Variants in AUH observed in about 807,000 individuals in gnomAD.
AUH encodes the protein AU RNA binding methylglutaconyl-CoA hydratase.
Under a neutral mutation model 42.3 loss-of-function variants are expected in AUH, and 29 were observed. The observed-to-expected ratio is 0.69, with a 90% CI of 0.51 to 0.93. The LOEUF is 0.93. Ranked by LOEUF, AUH falls within the 40% of genes least tolerant of loss-of-function variation. The pLI is 0.00. For missense variants in AUH, 452 were observed against 438.1 expected (o/e 1.03, Z -0.28); for synonymous variants, 174 against 166.4 (o/e 1.05, Z -0.35).
chr9:91,297,811 A>G (rs1313474266), intron 5 of AUH, among the ~76,000 whole-genome samples, 173 bp downstream of exon 5: 1 of 152,124 alleles, frequency 6.6e-6, no homozygotes, highest in African/African-American at 2.4e-5. Context: ...GCAAGAAACA[A>G]CACAAGACTT....
intron 3 of AUH, among the ~76,000 whole-genome samples, chr9:91,337,128 T>A (rs934706695): frequency 6.6e-6 from 1 of 152,174 alleles, no homozygotes; most frequent in African/African-American, 2.4e-5. Flanking sequence ...CCCTCCCCAC[T>A]GCCCACAGAG....
chr9:91,283,491 G>C (rs1174126413), intron 6 of AUH, among the ~76,000 whole-genome samples: 2 of 152,144 alleles, frequency 1.3e-5, no homozygotes, highest in Non-Finnish European at 2.9e-5. Flanking sequence ...GAAATAAACG[G>C]TATTCAATTA....
chr9:91,258,713 G>A (rs1174024503), intron 6 of AUH, among the ~76,000 whole-genome samples: 1 of 152,218 alleles, frequency 6.6e-6, no homozygotes, highest in East Asian at 1.9e-4. Context: ...CCTTCTGTCA[G>A]TTTGAGGAAG....
chr9:91,359,422 A>G (rs1425261702), intron 1 of AUH, among the ~76,000 whole-genome samples: 1 of 152,036 alleles, frequency 6.6e-6, no homozygotes, highest in Non-Finnish European at 1.5e-5. Context: ...AATGGATCAT[A>G]TGTTCTGTTG....
intron 6 of AUH, among the ~76,000 whole-genome samples, chr9:91,262,784 C>A (rs1256110647): frequency 6.6e-6 from 1 of 152,170 alleles, no homozygotes; most frequent in South Asian, 2.1e-4. Flanking sequence ...CAAGGGCTGG[C>A]AAACTATGGT....
intron 1 of AUH, among the ~76,000 whole-genome samples, chr9:91,356,796 C>A (rs1172506118): frequency 6.6e-6 from 1 of 152,210 alleles, no homozygotes; most frequent in Non-Finnish European, 1.5e-5. Context: ...TAGAATGCAT[C>A]CCCTACTTAA....
At chr9:91,348,899 C>T (rs1350277772) in intron 3 of AUH, among the ~76,000 whole-genome samples, 1 of 151,982 alleles carries the variant, frequency 6.6e-6, no homozygotes, top group Admixed American at 6.6e-5. Context: ...TAATTCATAC[C>T]TAAATAAAAC....
Position 91,238,305 on chromosome 9 carries a change from A to C in AUH, c.656-17313T>G, listed in dbSNP as rs566663780. Among the ~76,000 whole-genome samples the C allele has an allele frequency of 2.0e-5, 3 of 152,316 alleles. No homozygotes were observed. The East Asian group carries it at 5.8e-4, about 29-fold the overall frequency. On this transcript the variant is annotated intron_variant, in intron 6 of 9. Coordinates refer to ENST00000375731, the MANE Select transcript of AUH (RefSeq NM_001698.3). ...CTGAAGCCTTGCAATCAGGTCTGCA[A>C]ACCAAATAGCAGGAAGGGAAAAGGG...
rs140810123 is a variant in AUH, at chr9:91,356,005, G to GA, written c.331-36dup. 67,310 of 1,114,614 alleles carry GA rather than the reference G, an allele frequency of 0.06. 730 individuals are homozygous for GA. The highest frequency in any genetic ancestry group is 0.28 in the East Asian group (9,324 of 33,708). The allele number at this position is 1,114,614 out of a possible 1,614,324, so 69.0% of individuals were successfully genotyped here. On this transcript the variant is annotated intron_variant, in intron 2 of 9. Transcript: ENST00000375731. ...AATAGGAAGCATAGGAGGAAAAAGA[G>GA]AAAAAAAAAACAAAACATTTTTACA...
chr9:91,334,439 G>A (rs536426535), intron 3 of AUH, among the ~76,000 whole-genome samples: 1 of 152,186 alleles, frequency 6.6e-6, no homozygotes, highest in Non-Finnish European at 1.5e-5. Flanking sequence ...CCGCCCCACT[G>A]CTAGAGTTGG....
At chr9:91,235,868 C>T (rs1448968092) in intron 6 of AUH, among the ~76,000 whole-genome samples, 3 of 152,152 alleles carry the variant, frequency 2.0e-5, no homozygotes, top group Admixed American at 1.3e-4. Flanking sequence ...CTATGGCAGC[C>T]ACCTTGTGAC....
chr9:91,308,510 A>G (rs548090984), intron 4 of AUH, among the ~76,000 whole-genome samples: 8 of 152,218 alleles, frequency 5.3e-5, no homozygotes, highest in African/African-American at 1.9e-4. Flanking sequence ...TCTGTAAGTC[A>G]CCATGCAGAA....
Position 91,276,721 on chromosome 9 carries a change from C to A in AUH, c.655+19300G>T, listed in dbSNP as rs532446490. On this transcript the variant is annotated intron_variant, in intron 6 of 9. Coordinates refer to ENST00000375731, the MANE Select transcript of AUH (RefSeq NM_001698.3). ...CAGAAAAACATAAACACTGAACTTA[C>A]AACATAGCACCATGGAAACAAAACC... Among the ~76,000 whole-genome samples the A allele has an allele frequency of 4.4e-4, 67 of 152,204 alleles. 1 individual carries two copies. The highest frequency in any genetic ancestry group is 1.6e-3 in the African/African-American group (65 of 41,524).
chr9:91,256,800 T>C lies in AUH; in HGVS notation c.656-35808A>G, dbSNP rs565655962. ...TACCTACTCTCTGGTGTGGTGAGGA[T>C]AGGAGAGTCTCTCCTCAACATCATG... On this transcript the variant is annotated intron_variant, in intron 6 of 9. Coordinates refer to ENST00000375731, the MANE Select transcript of AUH (RefSeq NM_001698.3). 5.9e-5 allele frequency among the ~76,000 whole-genome samples: 9 copies of C among 152,172 alleles called. No individual in the cohort carries two copies. In the South Asian group the frequency reaches 1.7e-3, roughly 28 times the overall value.
chr9:91,290,735 C>T (rs1826800270), intron 6 of AUH, among the ~76,000 whole-genome samples: 1 of 152,114 alleles, frequency 6.6e-6, no homozygotes, highest in African/African-American at 2.4e-5. Flanking sequence ...CTTTTCTCAT[C>T]TAATCAAACC....
rs142830149 is a variant in AUH, at chr9:91,329,097, C to T, written c.419-3693G>A. 3.6e-3 allele frequency among the ~76,000 whole-genome samples: 547 copies of T among 152,124 alleles called. 2 individuals are homozygous for T. Among genetic ancestry groups the T allele is most frequent in the Middle Eastern group, 6.8e-3 (2 of 294 alleles). On this transcript the variant is annotated intron_variant, in intron 3 of 9. Transcript: ENST00000375731. ...ATGCATGTTATAAGCATGAAGTATT[C>T]CACTGTATGAACATATAAACGTTTT...
intron 6 of AUH, among the ~76,000 whole-genome samples, chr9:91,278,331 G>C (rs1825707476): frequency 6.6e-6 from 1 of 152,184 alleles, no homozygotes. Context: ...TTTTATAAAA[G>C]TCAATTTTAC....
chr9:91,285,204 G>C (rs1024929255), intron 6 of AUH, among the ~76,000 whole-genome samples: 4 of 151,800 alleles, frequency 2.6e-5, no homozygotes, highest in East Asian at 3.9e-4. Flanking sequence ...GCAAACTATT[G>C]CAAGGACAAA....
intron 6 of AUH, among the ~76,000 whole-genome samples, chr9:91,252,773 A>C (rs960516723): frequency 6.6e-6 from 1 of 152,258 alleles, no homozygotes; most frequent in African/African-American, 2.4e-5. Context: ...TAAAAGCCTT[A>C]AGGCAAAGAA....
Sources: allele counts gnomAD v4.1 joint callset (sites outside exome capture counted in the v4.1 genomes callset), GRCh38; gene constraint gnomAD v4.1.1; transcripts MANE v1.5; gene names NCBI Gene and HGNC (gene_info 2026-07-23, HGNC 2026-07-21).